Variants in COL4A5 observed in about 807,000 individuals in gnomAD.
COL4A5 encodes the protein collagen alpha-5(IV) chain.
Under a neutral mutation model 130.2 loss-of-function variants are expected in COL4A5, and 26 were observed. The ratio of observed to expected loss-of-function variants is 0.20; its 90% CI spans 0.15 to 0.28. The LOEUF is 0.28. Ranked by LOEUF, COL4A5 falls within the 10% of genes least tolerant of loss-of-function variation. The pLI is 1.00. For missense variants in COL4A5, 1,131 were observed against 1,344.3 expected (o/e 0.84, Z 2.48); for synonymous variants, 496 against 439.6 (o/e 1.13, Z -1.60).
intron 1 of COL4A5, among the ~76,000 whole-genome samples, chrX:108,470,695 G>A (rs1009871600): frequency 9.0e-6 from 1 of 111,080 alleles, no homozygotes; most frequent in East Asian, 2.8e-4. Flanking sequence ...TTGCGTTTGG[G>A]GATTTAGTCA....
chrX:108,468,171 G>A (rs757598409), intron 1 of COL4A5, among the ~76,000 whole-genome samples: 1 of 111,955 alleles, frequency 8.9e-6, no homozygotes, highest in East Asian at 2.8e-4. Flanking sequence ...CCCATCACAT[G>A]AAATCAGGTG....
chrX:108,484,670 G>A (rs1334455593), intron 1 of COL4A5, among the ~76,000 whole-genome samples: 1 of 112,698 alleles, frequency 8.9e-6, no homozygotes, highest in Non-Finnish European at 1.9e-5. Context: ...TCTCTCTGTG[G>A]TGAGCCACCT....
At chrX:108,674,517 C>A (rs1378284159) in intron 42 of COL4A5, 4 of 320,296 alleles carry the variant, frequency 1.2e-5, no homozygotes, top group African/African-American at 1.1e-4. Flanking sequence ...AACAGCTTAT[C>A]CTTTAGAATA....
At chrX:108,614,187 A>G (rs1046148805) in intron 29 of COL4A5, among the ~76,000 whole-genome samples, 4 of 112,322 alleles carry the variant, frequency 3.6e-5, no homozygotes, top group African/African-American at 1.3e-4. Context: ...ATACTATATG[A>G]TTGCATTTGT....
intron 36 of COL4A5, 23 bp from the exon 37 acceptor site, chrX:108,655,308 T>C (rs2147934910): frequency 8.3e-7 from 1 of 1,206,549 alleles, no homozygotes; most frequent in East Asian, 3.0e-5. Context: ...ACTTCAGTAT[T>C]ATCTTTTTAT....
intron 43 of COL4A5, among the ~76,000 whole-genome samples, chrX:108,675,576 G>T (rs1472716629): frequency 9.0e-6 from 1 of 111,177 alleles, no homozygotes; most frequent in Non-Finnish European, 1.9e-5. Flanking sequence ...TGATTGAGAA[G>T]GGAATTTCTG....
intron 21 of COL4A5, among the ~76,000 whole-genome samples, chrX:108,593,199 G>T (rs1404765849): frequency 9.0e-6 from 1 of 111,287 alleles, no homozygotes; most frequent in Non-Finnish European, 1.9e-5. Context: ...GAATTGCTGG[G>T]TTATAGGTTA....
chrX:108,491,385 C>G (rs925814036), intron 1 of COL4A5, among the ~76,000 whole-genome samples: 1 of 111,838 alleles, frequency 8.9e-6, no homozygotes, highest in Non-Finnish European at 1.9e-5. Flanking sequence ...TATGATTTAA[C>G]TACTAAATGC....
At chrX:108,513,575 A>G (rs998270401) in intron 1 of COL4A5, among the ~76,000 whole-genome samples, 9 of 111,441 alleles carry the variant, frequency 8.1e-5, no homozygotes, top group African/African-American at 2.6e-4. Context: ...CTATATGTCA[A>G]TTGGGTTGTT....
intron 48 of COL4A5, among the ~76,000 whole-genome samples, chrX:108,686,971 C>T (rs1157002044): frequency 8.9e-6 from 1 of 111,784 alleles, no homozygotes; most frequent in Non-Finnish European, 1.9e-5. Flanking sequence ...AAAATTTATA[C>T]ACAGACTGTC....
intron 1 of COL4A5, among the ~76,000 whole-genome samples, chrX:108,520,523 A>G (rs1330462548): frequency 9.0e-6 from 1 of 111,348 alleles, no homozygotes; most frequent in East Asian, 2.8e-4. Flanking sequence ...GGATTTGTTT[A>G]TTTCAATTTG....
intron 4 of COL4A5, 50 bp from the exon 5 acceptor site, chrX:108,568,579 T>G (rs1317350379): frequency 1.1e-6 from 1 of 906,943 alleles, no homozygotes. Context: ...GGATATTATT[T>G]TATTTTTATG....
chrX:108,569,087 T>C (rs866388811), intron 6 of COL4A5: 1 of 298,385 alleles, frequency 3.4e-6, no homozygotes, highest in Non-Finnish European at 5.9e-6. Flanking sequence ...GGATGAGAAT[T>C]AAAACGAAAT....
chrX:108,641,425 G>A (rs2067463985), intron 36 of COL4A5, among the ~76,000 whole-genome samples: 1 of 111,774 alleles, frequency 8.9e-6, no homozygotes, highest in South Asian at 3.8e-4. Flanking sequence ...GACAGACAGA[G>A]CAGCATACAG....
chrX:108,607,593 C>G (rs1415039875), intron 29 of COL4A5, among the ~76,000 whole-genome samples: 1 of 103,758 alleles, frequency 9.6e-6, no homozygotes, highest in Non-Finnish European at 2.0e-5. Context: ...AAGCAACTCT[C>G]CTGCCTCAGC....
At chrX:108,495,280 A>AT (rs1416965231) in intron 1 of COL4A5, among the ~76,000 whole-genome samples, 1 of 111,330 alleles carries the variant, frequency 9.0e-6, no homozygotes. Flanking sequence ...AAAAAATAAA[A>AT]TCATCACCTA....
intron 2 of COL4A5, among the ~76,000 whole-genome samples, chrX:108,547,896 G>A (rs62603584): frequency 9.0e-6 from 1 of 111,010 alleles, no homozygotes; most frequent in African/African-American, 3.3e-5. Context: ...GTGGGTTTAG[G>A]ACCCTCCGAG....
intron 1 of COL4A5, among the ~76,000 whole-genome samples, chrX:108,475,543 AG>A (rs2064824306): frequency 9.0e-6 from 1 of 111,508 alleles, no homozygotes; most frequent in African/African-American, 3.3e-5. Context: ...GAAGGCATTC[AG>A]TCTGTTACCA....
intron 48 of COL4A5, among the ~76,000 whole-genome samples, chrX:108,686,456 C>T (rs1200802264): frequency 8.9e-6 from 1 of 112,207 alleles, no homozygotes; most frequent in Non-Finnish European, 1.9e-5. Context: ...GTGAATATTT[C>T]CACATTTGAA....
Sources: gnomAD v4.1 joint callset for allele counts (sites outside exome capture counted in the v4.1 genomes callset) on GRCh38, gnomAD v4.1.1 for gene constraint, MANE v1.5 for transcripts, NCBI Gene and HGNC (gene_info 2026-07-23, HGNC 2026-07-21) for gene names.